Variants in LSM4 observed in about 807,000 individuals in gnomAD.
LSM4 encodes U6 snRNA-associated Sm-like protein LSm4.
In LSM4, 15 loss-of-function variants were observed where a neutral mutation model predicts 22.3. The observed-to-expected ratio is 0.67, with a 90% CI of 0.45 to 1.03. The LOEUF (loss-of-function observed/expected upper bound fraction) is 1.03, where lower values mean the gene tolerates loss of function less well. Among genes scored for constraint, LSM4 ranks in the 50% least tolerant of loss-of-function variants. LSM4 has a pLI of 0.00. For missense variants in LSM4, 127 were observed against 198.0 expected, an observed-to-expected ratio of 0.64 and a Z score of 2.15; for synonymous variants, 90 against 79.8, an observed-to-expected ratio of 1.13 and a Z score of -0.68.
intron 1 of LSM4, 134 bp from the exon 2 acceptor site, chr19:18,316,199 C>A: frequency 2.9e-6 from 2 of 686,080 alleles, no homozygotes; most frequent in Non-Finnish European, 5.0e-6. Flanking sequence ...AATCACCCCC[C>A]ACTGGAAATG....
chr19:18,318,020 G>A (rs1970378459), intron 1 of LSM4, among the ~76,000 whole-genome samples: 1 of 152,174 alleles, frequency 6.6e-6, no homozygotes. Flanking sequence ...TTCTAGTACT[G>A]CCATGAGGAA....
At chr19:18,316,151 T>C in intron 1 of LSM4, 86 bp from the exon 2 acceptor site, 3 of 1,284,092 alleles carry the variant, frequency 2.3e-6, no homozygotes, top group Non-Finnish European at 3.4e-6. Flanking sequence ...GACTCATAGA[T>C]GGTGCGGTGC....
chr19:18,322,756 C>A (rs546026239), intron 1 of LSM4, among the ~76,000 whole-genome samples: 2 of 152,074 alleles, frequency 1.3e-5, no homozygotes, highest in South Asian at 4.1e-4. Context: ...GTTTCCCCAC[C>A]TGCAAACTGG....
intron 3 of LSM4, among the ~76,000 whole-genome samples, chr19:18,311,309 A>AG (rs1970295193): frequency 6.6e-6 from 1 of 152,070 alleles, no homozygotes; most frequent in African/African-American, 2.4e-5. Flanking sequence ...CCTCTGAGGG[A>AG]GGGAGGGCCC....
At chr19:18,310,453 T>C (rs1176139211) in intron 3 of LSM4, among the ~76,000 whole-genome samples, 1 of 152,098 alleles carries the variant, frequency 6.6e-6, no homozygotes, top group African/African-American at 2.4e-5. Context: ...GGGACTTGGG[T>C]CCTGCCAGGG....
At chr19:18,317,351 G>C (rs956844023) in intron 1 of LSM4, among the ~76,000 whole-genome samples, 3 of 111,802 alleles carry the variant, frequency 2.7e-5, no homozygotes, top group African/African-American at 1.1e-4. Context: ...TTTTTTTTTT[G>C]AGACGGAGTC....
intron 4 of LSM4, among the ~76,000 whole-genome samples, chr19:18,308,534 G>A (rs973731817): frequency 7.2e-5 from 11 of 152,244 alleles, no homozygotes; most frequent in South Asian, 4.1e-4. Context: ...TGGGTGCCAG[G>A]GGCCAGAGGC....
chr19:18,315,276 A>G lies in LSM4; in HGVS notation c.45+748T>C, dbSNP rs567550413. Among the ~76,000 whole-genome samples the G allele has an allele frequency of 3.3e-5, 5 of 152,092 alleles. No individual in the cohort carries two copies. In the Middle Eastern group the frequency reaches 0.01, roughly 310 times the overall value. On this transcript the variant is annotated intron_variant, in intron 2 of 4. Transcript: ENST00000593829. ...GTGATCCTCCTGCCTTAGGCTCCCAACTAACTGGAACTACAGGTGCACGCC... is the reference window on the plus strand; with the variant it reads ...GTGATCCTCCTGCCTTAGGCTCCCAGCTAACTGGAACTACAGGTGCACGCC...
At chr19:18,312,582 C>T (rs773880923) in intron 3 of LSM4, 22 bp downstream of exon 3, 6 of 1,605,038 alleles carry the variant, frequency 3.7e-6, no homozygotes, top group African/African-American at 1.3e-5. Context: ...ATCCCACCCC[C>T]GTTGGTGGGT....
chr19:18,311,694 C>T (rs1440630005), intron 3 of LSM4, among the ~76,000 whole-genome samples: 1 of 152,148 alleles, frequency 6.6e-6, no homozygotes, highest in African/African-American at 2.4e-5. Context: ...GGCACGAAAC[C>T]CAGCAAGCAG....
intron 1 of LSM4, among the ~76,000 whole-genome samples, chr19:18,318,036 C>T (rs1451042996): frequency 6.6e-6 from 1 of 152,210 alleles, no homozygotes; most frequent in Admixed American, 6.5e-5. Context: ...AGGAAGGCCC[C>T]AGCACCAAGG....
At position 18,312,619 on chromosome 19, in the gene LSM4, G is replaced by T; in HGVS notation, c.129C>A (p.Val43=). 6.2e-7 allele frequency: 1 copy of T among 1,613,724 alleles called. No individual in the cohort carries two copies. Among genetic ancestry groups the T allele is most frequent in the South Asian group, 1.1e-5 (1 of 91,056 alleles). Residue 43 remains valine (V), a synonymous_variant, in exon 3 of 5, where the codon GTC becomes GTA. Coordinates refer to ENST00000593829, the MANE Select transcript of LSM4 (RefSeq NM_012321.5). ...CAGCACCCACCCTGGACGTGCAGAT[G>T]ACTTCTCGCAGGTTAATGTTCATCC... ...DNWMNINLRE[V]ICTSRDGDKF... is the part of the protein sequence containing the mutation.
intron 1 of LSM4, among the ~76,000 whole-genome samples, chr19:18,316,492 C>T (rs973383333): frequency 2.6e-5 from 4 of 151,970 alleles, no homozygotes; most frequent in African/African-American, 9.7e-5. Flanking sequence ...GGACAACAGG[C>T]ATGCGTCACC....
At chr19:18,309,569 G>T in intron 4 of LSM4, 109 bp downstream of exon 4, 1 of 1,228,600 alleles carries the variant, frequency 8.1e-7, no homozygotes, top group Non-Finnish European at 1.1e-6. Context: ...GGGCCCGGGA[G>T]GGTTGGGAGG....
chr19:18,309,828 A>C lies in LSM4; in HGVS notation c.178T>G (p.Tyr60Asp), dbSNP rs762546802. 6.2e-7 allele frequency: 1 copy of C among 1,613,634 alleles called. No homozygotes were observed. Among genetic ancestry groups the C allele is most frequent in the Non-Finnish European group, 8.5e-7 (1 of 1,179,834 alleles). The stretch of plus-strand genomic sequence containing the variant: ...TACTTGATGGTGCTGCCGCGGATGT[A>C]GCACTCGGGCATCCGCCAGAACTTG... ...GDKFWRMPECYIRGSTIKYLR... is the reference protein window; with the variant it reads ...GDKFWRMPECDIRGSTIKYLR... Residue 60 changes from tyrosine (Y) to aspartate (D), a missense_variant, in exon 4 of 5, where the codon TAC (tyrosine) becomes GAC (aspartate). Coordinates refer to ENST00000593829, the MANE Select transcript of LSM4 (RefSeq NM_012321.5).
rs745947806 is a variant in LSM4, at chr19:18,306,674, T to C, written c.*790A>G. 2 of 152,226 alleles carry C rather than the reference T, an allele frequency of 1.3e-5. No homozygotes were observed. The highest frequency in any genetic ancestry group is 2.9e-5 in the Non-Finnish European group (2 of 68,050). 9.4% of individuals were successfully genotyped at this position (152,226 alleles called of 1,614,324 possible). A position where few individuals can be genotyped will look rare whatever the true frequency, so the allele number is the denominator to read the frequency against. On this transcript the variant is annotated 3_prime_UTR_variant, in exon 5 of 5. Transcript: ENST00000593829. Reference sequence around the variant, plus strand: ...AACGTCTCCACAGAGGGGAGAGGGTTATAGGACAACCTGGTGTGGGGGGCG... The same window carrying C: ...AACGTCTCCACAGAGGGGAGAGGGTCATAGGACAACCTGGTGTGGGGGGCG...
Position 18,323,060 on chromosome 19 carries a change from C to T in LSM4, c.-40G>A. The T allele has an allele frequency of 2.6e-6, 4 of 1,515,332 alleles. No individual in the cohort carries two copies. Among genetic ancestry groups the T allele is most frequent in the Non-Finnish European group, 3.5e-6 (4 of 1,139,464 alleles). 93.9% of individuals were successfully genotyped at this position (1,515,332 alleles called of 1,614,324 possible). A position where few individuals can be genotyped will look rare whatever the true frequency, so the allele number is the denominator to read the frequency against. On this transcript the variant is annotated 5_prime_UTR_variant, in exon 1 of 5. Coordinates refer to ENST00000593829, the MANE Select transcript of LSM4 (RefSeq NM_012321.5). ...CCGGGCTCGCCGGCCACTTCCGCCG[C>T]CGCCGCTGCACACGCTCCCGGCGGT... is the stretch of plus-strand genomic sequence containing the variant.
Position 18,307,535 on chromosome 19 carries a change from G to C in LSM4, c.349C>G (p.Arg117Gly). Residue 117 changes from arginine (R) to glycine (G), a missense_variant, in exon 5 of 5, where the codon CGA (arginine) becomes GGA (glycine). Arg to Gly is a moderately radical substitution (Grantham distance 125). Transcript: ENST00000593829. Reference sequence around the variant, plus strand: ...CTGCCTGTGCCCGGGATCCCACCTCGGCCCCGGCCACCAAACACACCTAGA... The same window carrying C: ...CTGCCTGTGCCCGGGATCCCACCTCCGCCCCGGCCACCAAACACACCTAGA... The part of the protein sequence containing the change: ...AGRGVFGGRG[R>G]GGIPGTGRGQ... The C allele has an allele frequency of 6.5e-7, 1 of 1,547,332 alleles. No homozygotes were observed. Among genetic ancestry groups the C allele is most frequent in the Non-Finnish European group, 8.7e-7 (1 of 1,146,292 alleles).
intron 1 of LSM4, among the ~76,000 whole-genome samples, chr19:18,322,754 A>G (rs1165128138): frequency 1.4e-5 from 2 of 144,816 alleles, no homozygotes; most frequent in Non-Finnish European, 3.0e-5. Context: ...CAGTTTCCCC[A>G]CCTGCAAACT....
Sources: gnomAD v4.1 joint callset for allele counts (sites outside exome capture counted in the v4.1 genomes callset) on GRCh38, gnomAD v4.1.1 for gene constraint, MANE v1.5 for transcripts, NCBI Gene and HGNC (gene_info 2026-07-23, HGNC 2026-07-21) for gene names.